Variants in MLLT3 observed in about 807,000 individuals in gnomAD.
MLLT3 encodes protein AF-9.
A neutral mutation model predicts 53.2 loss-of-function variants in MLLT3; 4 were observed. The ratio of observed to expected loss-of-function variants is 0.08; its 90% CI spans 0.04 to 0.17. MLLT3 has a LOEUF of 0.17. MLLT3 is among the 10% of genes least tolerant of loss of function. The pLI is 1.00. For synonymous variants in MLLT3, 283 were observed against 230.6 expected, an observed-to-expected ratio of 1.23 and a Z score of -2.06; for missense variants, 569 against 684.0, an observed-to-expected ratio of 0.83 and a Z score of 1.87.
chr9:20,543,390 A>G (rs1818694218), intron 2 of MLLT3, among the ~76,000 whole-genome samples: 1 of 152,228 alleles, frequency 6.6e-6, no homozygotes, highest in African/African-American at 2.4e-5. Flanking sequence ...ACACAGTTCA[A>G]GTCTTACATG....
intron 2 of MLLT3, among the ~76,000 whole-genome samples, chr9:20,501,884 T>G (rs1285912786): frequency 2.0e-5 from 3 of 148,840 alleles, no homozygotes; most frequent in Non-Finnish European, 4.4e-5. Flanking sequence ...AGTTCGAGAC[T>G]AGCCTGGCCA....
At chr9:20,577,669 C>T (rs928667106) in intron 2 of MLLT3, among the ~76,000 whole-genome samples, 1 of 152,208 alleles carries the variant, frequency 6.6e-6, no homozygotes, top group African/African-American at 2.4e-5. Context: ...TTCTGCCAGA[C>T]ACAGCCATGA....
intron 2 of MLLT3, among the ~76,000 whole-genome samples, chr9:20,610,247 A>G (rs1464355387): frequency 2.6e-5 from 4 of 152,142 alleles, no homozygotes; most frequent in Non-Finnish European, 5.9e-5. Context: ...ATTAGGTAGT[A>G]AAAAAATGAT....
chr9:20,606,955 C>G (rs766965425), intron 2 of MLLT3, among the ~76,000 whole-genome samples: 4 of 152,084 alleles, frequency 2.6e-5, no homozygotes, highest in Non-Finnish European at 4.4e-5. Context: ...AAAGAAAACT[C>G]AGAGGTCTTT....
intron 8 of MLLT3, among the ~76,000 whole-genome samples, chr9:20,358,120 A>G (rs1221576180): frequency 6.6e-6 from 1 of 152,134 alleles, no homozygotes; most frequent in Non-Finnish European, 1.5e-5. Context: ...ATTAAGATAT[A>G]CTAGTAATTT....
At chr9:20,597,491 C>A (rs1218448686) in intron 2 of MLLT3, among the ~76,000 whole-genome samples, 1 of 152,008 alleles carries the variant, frequency 6.6e-6, no homozygotes, top group Non-Finnish European at 1.5e-5. Context: ...TCCTTTACAA[C>A]AAATTTACCT....
chr9:20,545,350 A>G (rs1818759305), intron 2 of MLLT3, among the ~76,000 whole-genome samples: 1 of 152,186 alleles, frequency 6.6e-6, no homozygotes, highest in African/African-American at 2.4e-5. Context: ...AGGCATTTAC[A>G]GTGGTCAAAC....
intron 7 of MLLT3, among the ~76,000 whole-genome samples, chr9:20,362,196 T>A (rs554558906): frequency 1.3e-3 from 193 of 152,184 alleles, no homozygotes; most frequent in Non-Finnish European, 2.3e-3. Flanking sequence ...CCCCAAAATG[T>A]GTATCTGTAT....
At chr9:20,424,295 T>G (rs186045460) in intron 4 of MLLT3, among the ~76,000 whole-genome samples, 12 of 152,320 alleles carry the variant, frequency 7.9e-5, no homozygotes, top group Admixed American at 2.0e-4. Flanking sequence ...GATAAACTTA[T>G]TAGTAGAGTT....
chr9:20,368,027 C>G (rs1821501459), intron 5 of MLLT3, among the ~76,000 whole-genome samples: 1 of 152,190 alleles, frequency 6.6e-6, no homozygotes, highest in South Asian at 2.1e-4. Flanking sequence ...GGAAAAGAGC[C>G]AGACAGGATC....
chr9:20,396,390 T>C, intron 5 of MLLT3, among the ~76,000 whole-genome samples: 1 of 152,142 alleles, frequency 6.6e-6, no homozygotes, highest in East Asian at 1.9e-4. Flanking sequence ...CACAATTTTG[T>C]GAGCTATTAT....
chr9:20,457,054 A>C (rs181128974), intron 2 of MLLT3, among the ~76,000 whole-genome samples: 7 of 152,238 alleles, frequency 4.6e-5, no homozygotes, highest in Admixed American at 4.6e-4. Flanking sequence ...ATTATTAATG[A>C]GTGAACTTCA....
At chr9:20,538,759 T>A (rs2026209) in intron 2 of MLLT3, among the ~76,000 whole-genome samples, 1 of 152,080 alleles carries the variant, frequency 6.6e-6, no homozygotes, top group South Asian at 2.1e-4. Context: ...AACACCAATG[T>A]TTTTTAAAAA....
At chr9:20,396,917 G>C (rs755420474) in intron 5 of MLLT3, among the ~76,000 whole-genome samples, 3 of 151,806 alleles carry the variant, frequency 2.0e-5, no homozygotes, top group Admixed American at 2.0e-4. Context: ...GTGGAGATCT[G>C]TCAGGTGAAA....
At chr9:20,491,209 G>A (rs1028154842) in intron 2 of MLLT3, among the ~76,000 whole-genome samples, 3 of 151,866 alleles carry the variant, frequency 2.0e-5, no homozygotes, top group Non-Finnish European at 2.9e-5. Flanking sequence ...CAAAAATCAA[G>A]AGCAATACTT....
intron 5 of MLLT3, among the ~76,000 whole-genome samples, chr9:20,394,400 C>A (rs1822267072): frequency 6.6e-6 from 1 of 152,184 alleles, no homozygotes; most frequent in Admixed American, 6.6e-5. Context: ...TACCTAGACA[C>A]TGAGCCAATT....
At position 20,407,192 on chromosome 9, in the gene MLLT3, A is replaced by G. The variant is rs148219949; in HGVS notation, c.1125+6529T>C. Among the ~76,000 whole-genome samples the G allele has an allele frequency of 1.2e-4, 19 of 152,346 alleles. No homozygotes were observed. In the East Asian group the frequency reaches 1.4e-3, roughly 11 times the overall value. Reference sequence around the variant, plus strand: ...GAAAGGAGTCTCCAAACTGGAGGACACCATTTGTTATTTGGTGGCATCTTC... The same window carrying G: ...GAAAGGAGTCTCCAAACTGGAGGACGCCATTTGTTATTTGGTGGCATCTTC... On this transcript the variant is annotated intron_variant, in intron 5 of 10. Transcript: ENST00000380338.
chr9:20,479,649 C>T (rs145474495), intron 2 of MLLT3, among the ~76,000 whole-genome samples: 154 of 152,234 alleles, frequency 1.0e-3, no homozygotes, highest in African/African-American at 3.2e-3. Flanking sequence ...CCCATGACTC[C>T]GTTTCCTTAA....
chr9:20,574,607 T>C (rs560351642), intron 2 of MLLT3, among the ~76,000 whole-genome samples: 1 of 152,348 alleles, frequency 6.6e-6, no homozygotes, highest in African/African-American at 2.4e-5. Context: ...AAAATGCTAA[T>C]GATCATCTGG....
Sources: allele counts gnomAD v4.1 joint callset (sites outside exome capture counted in the v4.1 genomes callset), GRCh38; gene constraint gnomAD v4.1.1; transcripts MANE v1.5; gene names NCBI Gene and HGNC (gene_info 2026-07-23, HGNC 2026-07-21).